LY9: variants seen among roughly 807,000 people sequenced by gnomAD.
The protein encoded by LY9 is lymphocyte antigen 9.
Under a neutral mutation model 64.6 loss-of-function variants are expected in LY9, and 59 were observed. The ratio of observed to expected loss-of-function variants is 0.91; its 90% confidence interval spans 0.74 to 1.13. LY9 has a LOEUF of 1.13. Ranked by LOEUF, LY9 falls within the 50% of genes most tolerant of loss-of-function variation. The pLI is 0.00. For missense variants in LY9, 789 were observed against 797.2 expected (o/e 0.99, Z 0.12); for synonymous variants, 281 against 308.5 (o/e 0.91, Z 0.93).
intron 3 of LY9, 126 bp from the exon 4 acceptor site, chr1:160,814,291 AGAG>A: frequency 1.4e-6 from 1 of 718,186 alleles, no homozygotes; most frequent in Non-Finnish European, 2.4e-6. Context: ...CATGCCCCTC[AGAG>A]GAGGAGGCCA....
intron 1 of LY9, chr1:160,799,552 T>C: frequency 1.9e-6 from 1 of 533,472 alleles, no homozygotes; most frequent in Non-Finnish European, 3.3e-6. Flanking sequence ...TTGTTGTGGC[T>C]GCTTTTAAGG....
At chr1:160,797,262 G>A in intron 1 of LY9, 1 of 985,516 alleles carries the variant, frequency 1.0e-6, no homozygotes. Context: ...AGGGCTTCAG[G>A]GATGATGGTG....
Position 160,827,960 on chromosome 1 carries a change from C to T in LY9, c.*144C>T. 6 of 629,678 alleles carry T rather than the reference C, an allele frequency of 9.5e-6. No homozygotes were observed. Among genetic ancestry groups the T allele is most frequent in the South Asian group, 1.9e-5 (1 of 52,842 alleles). The allele number at this position is 629,678 out of a possible 1,614,324, so 39.0% of individuals were successfully genotyped here. A position where few individuals can be genotyped will look rare whatever the true frequency, so the allele number is the denominator to read the frequency against. On this transcript the variant is annotated 3_prime_UTR_variant, in exon 10 of 10. Transcript: ENST00000263285. ...ATGCCTGGATGTGGCCCCTCCCCCT[C>T]CTTCTCACCCTTAAGGACTCCCAAA...
intron 8 of LY9, 87 bp downstream of exon 8, chr1:160,823,883 G>A: frequency 8.8e-7 from 1 of 1,137,740 alleles, no homozygotes; most frequent in Non-Finnish European, 1.3e-6. Flanking sequence ...TCCAAACTGG[G>A]GGCTGGGGCC....
At chr1:160,813,325 G>A in intron 2 of LY9, 1 of 375,616 alleles carries the variant, frequency 2.7e-6, no homozygotes, top group Non-Finnish European at 4.8e-6. Flanking sequence ...TTTTCATAAG[G>A]CAGGCTGGGT....
rs2101737190 is a variant in LY9, at chr1:160,800,090, C to T, written c.454+8C>T. The T allele has an allele frequency of 6.3e-7, 1 of 1,592,136 alleles. No homozygotes were observed. The highest frequency in any genetic ancestry group is 8.6e-7 in the Non-Finnish European group (1 of 1,167,532). ...TCACCCTGTTCGTCTATGGTGAGTT[C>T]CAGAGAGCTTCTGTGTTTTGATCTT... On this transcript the variant is annotated splice_region_variant and intron_variant, in intron 2 of 9. Coordinates refer to ENST00000263285, the MANE Select transcript of LY9 (RefSeq NM_002348.4).
intron 2 of LY9, chr1:160,801,767 A>G (rs1337659575): frequency 6.4e-7 from 1 of 1,569,098 alleles, no homozygotes. Flanking sequence ...ATTCTTCTGC[A>G]TGTGACTATT....
At position 160,828,128 on chromosome 1, in the gene LY9, C is replaced by T. The variant is rs1668958281; in HGVS notation, c.*312C>T. ...GTCAAATGTTGCTGAGGGGCCTGGACCAGCTGTCCTTTACACCACCTTCTC... is the reference window on the plus strand; with the variant it reads ...GTCAAATGTTGCTGAGGGGCCTGGATCAGCTGTCCTTTACACCACCTTCTC... On this transcript the variant is annotated 3_prime_UTR_variant, in exon 10 of 10. Transcript: ENST00000263285. The T allele has an allele frequency of 5.2e-6, 1 of 192,424 alleles. No individual in the cohort carries two copies. Among genetic ancestry groups the T allele is most frequent in the Non-Finnish European group, 1.1e-5 (1 of 94,492 alleles). 11.9% of individuals were successfully genotyped at this position (192,424 alleles called of 1,614,324 possible). A position where few individuals can be genotyped will look rare whatever the true frequency, so the allele number is the denominator to read the frequency against.
intron 2 of LY9, chr1:160,801,951 C>T (rs747260337): frequency 4.3e-5 from 70 of 1,609,262 alleles, no homozygotes; most frequent in African/African-American, 8.0e-5. Flanking sequence ...GAGACCGCTC[C>T]GCCATCCCCA....
At chr1:160,818,141 C>A in intron 5 of LY9, 77 bp from the exon 6 acceptor site, 1 of 891,924 alleles carries the variant, frequency 1.1e-6, no homozygotes, top group Non-Finnish European at 1.8e-6. Context: ...GTAGGATGGC[C>A]ATCATGTTCT....
At chr1:160,800,615 G>T (rs562188101) in intron 2 of LY9, among the ~76,000 whole-genome samples, 46 of 151,714 alleles carry the variant, frequency 3.0e-4, no homozygotes, top group Non-Finnish European at 8.8e-5. Flanking sequence ...TTGCATGCTG[G>T]GGAAGTCTGG....
chr1:160,822,450 T>C (rs928360304), intron 7 of LY9, among the ~76,000 whole-genome samples: 2 of 152,196 alleles, frequency 1.3e-5, no homozygotes, highest in African/African-American at 4.8e-5. Flanking sequence ...CTCCTTTCAA[T>C]ACAGTGGCTG....
At position 160,799,850 on chromosome 1, in the gene LY9, G is replaced by A. The variant is rs772914544; in HGVS notation, c.222G>A (p.Glu74=). ...TLPLNISVDT[E]IENVIWIGPK... is the part of the protein sequence containing the mutation. Reference sequence around the variant, plus strand: ...CCCTAAACATCTCAGTAGACACAGAGATTGAGAACGTCATCTGGATTGGTC... The same window carrying A: ...CCCTAAACATCTCAGTAGACACAGAAATTGAGAACGTCATCTGGATTGGTC... The change falls in exon 2 of 10, where the codon GAG becomes GAA. Residue 74 remains glutamate, a synonymous_variant. Transcript: ENST00000263285. The A allele has an allele frequency of 5.1e-5, 83 of 1,614,014 alleles. No individual in the cohort carries two copies. In the Admixed American group the frequency reaches 1.4e-3, roughly 27 times the overall value.
intron 2 of LY9, 65 bp from the exon 3 acceptor site, chr1:160,813,571 C>T: frequency 6.5e-7 from 1 of 1,531,116 alleles, no homozygotes; most frequent in South Asian, 1.2e-5. Context: ...TCACTCCCTT[C>T]TTCTCTCAGC....
intron 7 of LY9, among the ~76,000 whole-genome samples, chr1:160,821,205 C>A (rs1380031245): frequency 1.4e-5 from 2 of 143,132 alleles, no homozygotes; most frequent in Admixed American, 1.4e-4. Context: ...AAAAGTAGTT[C>A]TCTTTCCAAA....
At chr1:160,826,117 C>G (rs1397914239) in intron 9 of LY9, among the ~76,000 whole-genome samples, 1 of 152,118 alleles carries the variant, frequency 6.6e-6, no homozygotes, top group Non-Finnish European at 1.5e-5. Flanking sequence ...GTATTATATA[C>G]TGTATTCTTA....
intron 2 of LY9, chr1:160,811,191 G>A (rs991335835): frequency 6.6e-6 from 1 of 152,156 alleles, no homozygotes; most frequent in Non-Finnish European, 1.5e-5. Context: ...TGCCTGTGGG[G>A]TCACTCTTCC....
intron 7 of LY9, among the ~76,000 whole-genome samples, chr1:160,821,396 C>T (rs1468471954): frequency 6.6e-6 from 1 of 152,068 alleles, no homozygotes; most frequent in Admixed American, 6.6e-5. Flanking sequence ...CTAAACCTTG[C>T]TTTTTGATCT....
chr1:160,827,494 T>C (rs1423496670), intron 9 of LY9, among the ~76,000 whole-genome samples: 1 of 152,252 alleles, frequency 6.6e-6, no homozygotes, highest in Non-Finnish European at 1.5e-5. Context: ...TGTCATTTTT[T>C]TATCCCCTGG....
Sources: gnomAD v4.1 joint callset for allele counts (sites outside exome capture counted in the v4.1 genomes callset) on GRCh38, gnomAD v4.1.1 for gene constraint, MANE v1.5 for transcripts, NCBI Gene and HGNC (gene_info 2026-07-23, HGNC 2026-07-21) for gene names.